The following NRXN1 variants were observed in gnomAD, a reference collection of about 807,000 sequenced individuals.
The protein encoded by NRXN1 is neurexin 1, also known as neurexin-1.
A neutral mutation model predicts 150.9 loss-of-function variants in NRXN1; 39 were observed. The observed-to-expected ratio is 0.26, with a 90% CI of 0.20 to 0.34. NRXN1 has a LOEUF of 0.34. Among genes scored for constraint, NRXN1 ranks in the 10% least tolerant of loss-of-function variants. The probability of loss-of-function intolerance (pLI) is 1.00; values close to 1 mark genes in which losing one functional copy is unlikely to be tolerated. For synonymous variants in NRXN1, 924 were observed against 757.0 expected, an observed-to-expected ratio of 1.22 and a Z score of -3.62; for missense variants, 1,815 against 1,949.9, an observed-to-expected ratio of 0.93 and a Z score of 1.30.
At chr2:50,397,212 C>T (rs980202719) in intron 17 of NRXN1, among the ~76,000 whole-genome samples, 3 of 151,966 alleles carry the variant, frequency 2.0e-5, no homozygotes, top group African/African-American at 2.4e-5. Context: ...TAGTTAACAC[C>T]GCAAAGGACA....
chr2:50,547,622 A>G (rs914779890), intron 9 of NRXN1: 2 of 152,170 alleles, frequency 1.3e-5, no homozygotes, highest in African/African-American at 4.8e-5. Context: ...CTTCAATCAT[A>G]TTTATTAAGT....
chr2:50,007,659 C>T (rs1684990773), intron 21 of NRXN1, among the ~76,000 whole-genome samples: 2 of 152,072 alleles, frequency 1.3e-5, no homozygotes, highest in East Asian at 1.9e-4. Flanking sequence ...GGTTCCAAGT[C>T]TTTGCTATTG....
At chr2:50,623,710 T>A in intron 5 of NRXN1, 95 bp from the exon 6 acceptor site, 2 of 798,738 alleles carry the variant, frequency 2.5e-6, no homozygotes, top group East Asian at 2.7e-5. Flanking sequence ...CTCCCCAAAT[T>A]AACCTGCTTA....
At chr2:50,562,839 T>C (rs1429153072) in intron 8 of NRXN1, among the ~76,000 whole-genome samples, 4 of 152,136 alleles carry the variant, frequency 2.6e-5, no homozygotes, top group African/African-American at 4.8e-5. Context: ...TGTTTATTTT[T>C]TCTTGATCTA....
intron 8 of NRXN1, among the ~76,000 whole-genome samples, chr2:50,611,212 T>C (rs758512301): frequency 3.4e-4 from 51 of 151,886 alleles, no homozygotes; most frequent in Middle Eastern, 3.2e-3. Flanking sequence ...GGCTGAAAAA[T>C]GTCATATTCT....
chr2:49,955,367 T>C (rs1312871907), intron 21 of NRXN1, among the ~76,000 whole-genome samples: 1 of 152,166 alleles, frequency 6.6e-6, no homozygotes, highest in Non-Finnish European at 1.5e-5. Context: ...AATGAAACTT[T>C]CTAACTGGCT....
In NRXN1 at chr2:50,506,692, A is replaced by G. The variant is rs543745365; in HGVS notation, c.2375-75T>C. The G allele has an allele frequency of 1.3e-5, 20 of 1,503,572 alleles. No homozygotes were observed. In the East Asian group the frequency reaches 4.6e-4, roughly 35 times the overall value. The allele number at this position is 1,503,572 out of a possible 1,614,324, so 93.1% of individuals were successfully genotyped here. ...AAATGAACCTCACAGAGAGTGAGAG[A>G]AAGAGACAAGGGGGGAAGGTGAGGG... On this transcript the variant is annotated intron_variant, in intron 12 of 22. Transcript: ENST00000401669.
Position 50,635,969 on chromosome 2 carries a change from T to C in NRXN1, c.833-12354A>G, listed in dbSNP as rs2104442620. 2.6e-5 allele frequency among the ~76,000 whole-genome samples: 4 copies of C among 152,340 alleles called. No individual in the cohort carries two copies. The Middle Eastern group carries it at 0.01, about 389-fold the overall frequency. ...CATATGGTGGACAATCAATTAATGT[T>C]AGATATTATGATCATTATTATTAAA... On this transcript the variant is annotated intron_variant, in intron 5 of 22. Transcript: ENST00000401669.
intron 17 of NRXN1, among the ~76,000 whole-genome samples, chr2:50,449,674 AT>A (rs1484247411): frequency 1.3e-5 from 2 of 152,212 alleles, no homozygotes; most frequent in Admixed American, 6.5e-5. Context: ...TTACATGGGT[AT>A]ATGTCACTAC....
intron 5 of NRXN1, among the ~76,000 whole-genome samples, chr2:50,881,952 T>C (rs1052554689): frequency 1.3e-5 from 2 of 151,496 alleles, no homozygotes; most frequent in Admixed American, 6.6e-5. Flanking sequence ...AAAATAGCAA[T>C]TGAAGGGGGA....
rs145159697 is a variant in NRXN1 at position 50,263,429 on chromosome 2, C to G, written c.3365-26459G>C. On this transcript the variant is annotated intron_variant, in intron 17 of 22. Coordinates refer to ENST00000401669, the MANE Select transcript of NRXN1 (RefSeq NM_001330078.2). ...CTCCCCTCTCACCTATTTGAGAGGT[C>G]CAAATGACACAAATTATTATTTTTA... 2.6e-5 allele frequency among the ~76,000 whole-genome samples: 4 copies of G among 152,066 alleles called. No individual in the cohort carries two copies. In the East Asian group the frequency reaches 7.7e-4, roughly 29 times the overall value.
intron 5 of NRXN1, among the ~76,000 whole-genome samples, chr2:50,806,611 T>C (rs142700094): frequency 5.9e-5 from 9 of 152,288 alleles, no homozygotes; most frequent in Non-Finnish European, 1.2e-4. Flanking sequence ...CTTAGAGATA[T>C]GGTCACACTG....
At chr2:49,924,356 G>C (rs887455759) in intron 22 of NRXN1, among the ~76,000 whole-genome samples, 1 of 152,200 alleles carries the variant, frequency 6.6e-6, no homozygotes, top group Non-Finnish European at 1.5e-5. Context: ...AGTAAAATTT[G>C]AGAATTTTAA....
At chr2:50,455,322 G>C (rs547657936) in intron 17 of NRXN1, among the ~76,000 whole-genome samples, 24 of 152,234 alleles carry the variant, frequency 1.6e-4, no homozygotes, top group Non-Finnish European at 3.4e-4. Context: ...GCTTTACATG[G>C]CCATAGCTTT....
intron 18 of NRXN1, among the ~76,000 whole-genome samples, chr2:50,141,816 G>T (rs1707312378): frequency 6.6e-6 from 1 of 152,058 alleles, no homozygotes; most frequent in African/African-American, 2.4e-5. Context: ...TGCTGGTGAG[G>T]ATGTGGAGAA....
chr2:49,998,401 AT>A (rs1449493166), intron 21 of NRXN1, among the ~76,000 whole-genome samples: 2 of 152,198 alleles, frequency 1.3e-5, no homozygotes, highest in African/African-American at 2.4e-5. Context: ...TGTGTAATGA[AT>A]TCCCTTCAAG....
chr2:50,909,432 T>C (rs910476097), intron 5 of NRXN1, among the ~76,000 whole-genome samples: 5 of 152,026 alleles, frequency 3.3e-5, no homozygotes, highest in Admixed American at 2.0e-4. Context: ...ATTTGTTAAT[T>C]AAGTCCCTCT....
chr2:50,131,695 G>A (rs141007246), intron 18 of NRXN1, among the ~76,000 whole-genome samples: 2 of 152,242 alleles, frequency 1.3e-5, no homozygotes, highest in Non-Finnish European at 2.9e-5. Context: ...ATGGGTAAAC[G>A]GCTGGAGAGG....
chr2:50,446,643 T>G (rs2086439521), intron 17 of NRXN1, among the ~76,000 whole-genome samples: 2 of 151,518 alleles, frequency 1.3e-5, no homozygotes, highest in African/African-American at 2.4e-5. Context: ...TACTCTTCTT[T>G]GTTCTCAATA....
Sources: allele counts gnomAD v4.1 joint callset (sites outside exome capture counted in the v4.1 genomes callset), GRCh38; gene constraint gnomAD v4.1.1; transcripts MANE v1.5; gene names NCBI Gene and HGNC (gene_info 2026-07-23, HGNC 2026-07-21).